Variants in SH3BP5L observed in about 807,000 individuals in gnomAD.
SH3BP5L encodes SH3 domain-binding protein 5-like.
A neutral mutation model predicts 40.9 loss-of-function variants in SH3BP5L; 16 were observed. The ratio of observed to expected loss-of-function variants is 0.39; its 90% CI spans 0.27 to 0.59. The LOEUF is 0.59. Among genes scored for constraint, SH3BP5L ranks in the 20% least tolerant of loss-of-function variants. The pLI, the probability that SH3BP5L is intolerant of heterozygous loss-of-function variation, is 0.53. For synonymous variants in SH3BP5L, 229 were observed against 226.7 expected, an observed-to-expected ratio of 1.01 and a Z score of -0.09; for missense variants, 471 against 544.6, an observed-to-expected ratio of 0.86 and a Z score of 1.35.
rs1572188199 is a variant in SH3BP5L at position 248,825,016 on chromosome 1, G to T, written c.-81C>A. 2.0e-6 allele frequency: 3 copies of T among 1,504,802 alleles called. No homozygotes were observed. In the Admixed American group the frequency reaches 7.1e-5, roughly 35 times the overall value. The allele number at this position is 1,504,802 out of a possible 1,614,324, so 93.2% of individuals were successfully genotyped here. A position where few individuals can be genotyped will look rare whatever the true frequency, so the allele number is the denominator to read the frequency against. On this transcript the variant is annotated 5_prime_UTR_variant, in exon 2 of 7. Transcript: ENST00000366472. Reference sequence around the variant, plus strand: ...CAGGGCCCCAGCTTGGGGCTTCCTGGGCTCTAGATGGCCAGGAGAAGAGTT... The same window carrying T: ...CAGGGCCCCAGCTTGGGGCTTCCTGTGCTCTAGATGGCCAGGAGAAGAGTT...
rs774473164 is a variant in SH3BP5L at position 248,814,581 on chromosome 1, C to T, written c.405G>A (p.Leu135=). Residue 135 remains leucine, a synonymous_variant, in exon 5 of 7, where the codon CTG becomes CTA. Coordinates refer to ENST00000366472, the MANE Select transcript of SH3BP5L (RefSeq NM_030645.3). ...EAQQETQKAA[L]RYERAVSMHN... is the part of the protein sequence containing the mutation. ...GCATGCTTACGGCCCGCTCGTACCG[C>T]AGCGCTGCCTTCTGTGTCTCCTGCT... The T allele has an allele frequency of 4.8e-5, 78 of 1,614,110 alleles. No individual in the cohort carries two copies. The highest frequency in any genetic ancestry group is 6.5e-5 in the Non-Finnish European group (77 of 1,180,050).
chr1:248,817,644 G>A (rs1664143155), intron 2 of SH3BP5L, among the ~76,000 whole-genome samples: 1 of 152,146 alleles, frequency 6.6e-6, no homozygotes, highest in South Asian at 2.1e-4. Context: ...CCTGAGGTCA[G>A]GAGTTTGAGA....
At chr1:248,825,443 G>A (rs533578741) in intron 1 of SH3BP5L, 77 bp from the exon 2 acceptor site, 4 of 966,964 alleles carry the variant, frequency 4.1e-6, no homozygotes, top group Non-Finnish European at 4.9e-6. Flanking sequence ...CAACTCTACA[G>A]CCTCCCAAAA....
At chr1:248,824,658 G>A in intron 2 of SH3BP5L, 95 bp downstream of exon 2, 6 of 1,437,078 alleles carry the variant, frequency 4.2e-6, no homozygotes, top group Non-Finnish European at 4.7e-6. Flanking sequence ...CCAGCAGACT[G>A]GGGACAGAGT....
At chr1:248,814,692 G>C (rs768187383) in intron 4 of SH3BP5L, 82 bp from the exon 5 acceptor site, 41 of 1,449,894 alleles carry the variant, frequency 2.8e-5, no homozygotes, top group Admixed American at 8.5e-5. Flanking sequence ...GTGAGGATAA[G>C]AGAAGGAGGA....
chr1:248,813,857 C>G (rs940395160), intron 5 of SH3BP5L: 4 of 162,408 alleles, frequency 2.5e-5, no homozygotes, highest in Admixed American at 1.7e-4. Flanking sequence ...GCTGTGTGCT[C>G]TCATTTGCAT....
chr1:248,812,410 C>T lies in SH3BP5L; in HGVS notation c.712-40G>A, dbSNP rs753622052. On this transcript the variant is annotated intron_variant, in intron 6 of 6. Transcript: ENST00000366472. The surrounding 1 kb of genome is among the most constrained non-coding windows in gnomAD (Gnocchi z 6.1). ...GCAGAGCAAGGCGACCCATGGGGCA[C>T]GTCTCCACCTTCCTCAGCACTCTGC... 2.0e-6 allele frequency: 3 copies of T among 1,504,962 alleles called. No homozygotes were observed. Among genetic ancestry groups the T allele is most frequent in the Non-Finnish European group, 2.7e-6 (3 of 1,096,876 alleles). The allele number at this position is 1,504,962 out of a possible 1,614,324, so 93.2% of individuals were successfully genotyped here.
chr1:248,812,403 T>C lies in SH3BP5L; in HGVS notation c.712-33A>G. 1.9e-6 allele frequency: 3 copies of C among 1,554,880 alleles called. No homozygotes were observed. The highest frequency in any genetic ancestry group is 2.6e-6 in the Non-Finnish European group (3 of 1,140,744). ...GGGCAGAGCAGAGCAAGGCGACCCA[T>C]GGGGCACGTCTCCACCTTCCTCAGC... On this transcript the variant is annotated intron_variant, in intron 6 of 6. Transcript: ENST00000366472. The surrounding 1 kb of genome is among the most constrained non-coding windows in gnomAD (Gnocchi z 6.1).
intron 2 of SH3BP5L, among the ~76,000 whole-genome samples, chr1:248,822,597 C>G (rs1572186511): frequency 6.6e-6 from 1 of 152,098 alleles, no homozygotes; most frequent in African/African-American, 2.4e-5. Context: ...TAGAGCTCAT[C>G]TGATAGAAGA....
At chr1:248,814,982 C>G (rs1664064856) in intron 4 of SH3BP5L, 1 of 363,234 alleles carries the variant, frequency 2.8e-6, no homozygotes, top group Non-Finnish European at 5.4e-6. Context: ...ATTCCATGTT[C>G]AGCAGGCAAG....
chr1:248,819,702 C>CAAAAAAAAAAAAAAA (rs34840808), intron 2 of SH3BP5L, among the ~76,000 whole-genome samples: 1 of 72,732 alleles, frequency 1.4e-5, no homozygotes, highest in African/African-American at 4.7e-5. Context: ...GACTCAGTCT[C>CAAAAAAAAAAAAAAA]AAAAAAAAAA....
rs1663991409 is a variant in SH3BP5L at position 248,812,887 on chromosome 1, C to T, written c.711+102G>A. Reference sequence around the variant, plus strand: ...TCCCCACCGCTAGCCGGAGGCCTCACCCTGGCCACCTCACCAAGATGGCCC... The same window carrying T: ...TCCCCACCGCTAGCCGGAGGCCTCATCCTGGCCACCTCACCAAGATGGCCC... On this transcript the variant is annotated intron_variant, in intron 6 of 6. Coordinates refer to ENST00000366472, the MANE Select transcript of SH3BP5L (RefSeq NM_030645.3). The surrounding 1 kb of genome is among the most constrained non-coding windows in gnomAD (Gnocchi z 6.1). 1 of 1,143,392 alleles carries T rather than the reference C, an allele frequency of 8.7e-7. No individual in the cohort carries two copies. The highest frequency in any genetic ancestry group is 1.2e-6 in the Non-Finnish European group (1 of 806,080). 70.8% of individuals were successfully genotyped at this position (1,143,392 alleles called of 1,614,324 possible).
chr1:248,819,095 C>T (rs543799693), intron 2 of SH3BP5L, among the ~76,000 whole-genome samples: 1 of 152,302 alleles, frequency 6.6e-6, no homozygotes, highest in Non-Finnish European at 1.5e-5. Flanking sequence ...TCTATCCTCC[C>T]CCCATCCCCT....
intron 2 of SH3BP5L, among the ~76,000 whole-genome samples, chr1:248,817,426 G>A (rs1403541865): frequency 6.6e-6 from 1 of 152,230 alleles, no homozygotes; most frequent in Non-Finnish European, 1.5e-5. Flanking sequence ...GTCCTGGGCA[G>A]TATGTGCAGC....
rs373183438 is a variant in SH3BP5L, at chr1:248,816,594, G to A, written c.315C>T (p.His105=). The A allele has an allele frequency of 9.7e-5, 157 of 1,614,064 alleles. No homozygotes were observed. The highest frequency in any genetic ancestry group is 4.9e-4 in the East Asian group (22 of 44,904). ...SARKLNTQGS[H]LGSCIEKARP... ...GGGCTTTCTCGATGCAGCTCCCCAAGTGGGAACCCTGTGTATTCAGTTTCC... is the reference window on the plus strand; with the variant it reads ...GGGCTTTCTCGATGCAGCTCCCCAAATGGGAACCCTGTGTATTCAGTTTCC... The change falls in exon 4 of 7, where the codon CAC becomes CAT. Residue 105 remains histidine, a synonymous_variant. Coordinates refer to ENST00000366472, the MANE Select transcript of SH3BP5L (RefSeq NM_030645.3).
At chr1:248,815,262 G>C (rs1572181152) in intron 4 of SH3BP5L, among the ~76,000 whole-genome samples, 1 of 152,228 alleles carries the variant, frequency 6.6e-6, no homozygotes, top group East Asian at 1.9e-4. Context: ...GGGCAACAGA[G>C]CAAGACCCCA....
chr1:248,818,108 G>A (rs1301692062), intron 2 of SH3BP5L, among the ~76,000 whole-genome samples: 1 of 152,194 alleles, frequency 6.6e-6, no homozygotes, highest in Non-Finnish European at 1.5e-5. Context: ...AGCACTTTGG[G>A]AGGCAGAGGT....
In SH3BP5L at chr1:248,824,950, G is replaced by C; in HGVS notation, c.-15C>G. 6.2e-7 allele frequency: 1 copy of C among 1,608,890 alleles called. No homozygotes were observed. ...AGCTCAGCCATGCTGACAGGGGGAG[G>C]GCAGAGCCCTATGCACAAGAGAGGA... On this transcript the variant is annotated 5_prime_UTR_variant, in exon 2 of 7. Coordinates refer to ENST00000366472, the MANE Select transcript of SH3BP5L (RefSeq NM_030645.3).
intron 2 of SH3BP5L, among the ~76,000 whole-genome samples, chr1:248,819,507 G>A (rs1558229815): frequency 6.6e-6 from 1 of 151,626 alleles, no homozygotes; most frequent in East Asian, 1.9e-4. Context: ...TTTGAGAACA[G>A]CCTGGGCAAC....
Sources: allele counts gnomAD v4.1 joint callset (sites outside exome capture counted in the v4.1 genomes callset), GRCh38; gene constraint gnomAD v4.1.1; non-coding constraint Gnocchi (gnomAD v3.1); transcripts MANE v1.5; gene names NCBI Gene and HGNC (gene_info 2026-07-23, HGNC 2026-07-21).